Variants in IL18RAP observed in about 807,000 individuals in gnomAD.
IL18RAP encodes the protein interleukin-18 receptor accessory protein.
A neutral mutation model predicts 58.1 loss-of-function variants in IL18RAP; 37 were observed. The ratio of observed to expected loss-of-function variants is 0.64; its 90% CI spans 0.49 to 0.84. The LOEUF is 0.84. IL18RAP is among the 40% of genes least tolerant of loss of function. IL18RAP has a pLI of 0.00. For synonymous variants in IL18RAP, 268 were observed against 257.5 expected, an observed-to-expected ratio of 1.04 and a Z score of -0.39; for missense variants, 667 against 704.8, an observed-to-expected ratio of 0.95 and a Z score of 0.61.
chr2:102,426,837 A>G (rs982140622), intron 3 of IL18RAP, among the ~76,000 whole-genome samples: 2 of 65,748 alleles, frequency 3.0e-5, no homozygotes, highest in South Asian at 3.1e-4. Context: ...GCTGTGAAAT[A>G]TGCCTGAAAA....
intron 7 of IL18RAP, among the ~76,000 whole-genome samples, chr2:102,446,345 G>A (rs1310641012): frequency 6.6e-6 from 1 of 151,964 alleles, no homozygotes; most frequent in African/African-American, 2.4e-5. Flanking sequence ...TTGGTTACAT[G>A]GATAAGTTCT....
intron 3 of IL18RAP, chr2:102,434,391 T>C (rs1682594256): frequency 6.9e-6 from 1 of 145,880 alleles, no homozygotes; most frequent in African/African-American, 2.5e-5. Context: ...ATTTTATATT[T>C]ATTTCTGTTA....
intron 3 of IL18RAP, among the ~76,000 whole-genome samples, chr2:102,428,669 T>C (rs1682130169): frequency 6.6e-6 from 1 of 151,992 alleles, no homozygotes; most frequent in Admixed American, 6.5e-5. Context: ...GCAATTTTAC[T>C]TGTTTTTCTA....
upstream of IL18RAP, among the ~76,000 whole-genome samples, chr2:102,421,674 G>T (rs1010102994): frequency 1.3e-5 from 2 of 152,144 alleles, no homozygotes; most frequent in South Asian, 2.1e-4. Flanking sequence ...TCTGCAAGGC[G>T]CATTGCACAG....
At position 102,452,519 on chromosome 2, in the gene IL18RAP, T is replaced by G. The variant is rs555714567; in HGVS notation, c.*338T>G. The G allele has an allele frequency of 1.3e-5, 3 of 230,556 alleles. No individual in the cohort carries two copies. Among genetic ancestry groups the G allele is most frequent in the East Asian group, 1.8e-4 (2 of 11,032 alleles). The allele number at this position is 230,556 out of a possible 1,614,324, so 14.3% of individuals were successfully genotyped here. A position where few individuals can be genotyped will look rare whatever the true frequency, so the allele number is the denominator to read the frequency against. On this transcript the variant is annotated 3_prime_UTR_variant, in exon 10 of 10. Coordinates refer to ENST00000687160, the MANE Select transcript of IL18RAP (RefSeq NM_001393487.1). The stretch of plus-strand genomic sequence containing the variant: ...TCATGTCTACCATGTATTGTACATA[T>G]GACTTTATGTATACTTGCAATCAAA...
At chr2:102,423,664 C>G (rs924088939) in intron 1 of IL18RAP, 147 bp from the exon 2 acceptor site, 12 of 695,348 alleles carry the variant, frequency 1.7e-5, no homozygotes, top group African/African-American at 1.6e-4. Context: ...AGAACAGGCA[C>G]TTCCTTTCCC....
At chr2:102,429,446 T>C (rs1682192082) in intron 3 of IL18RAP, among the ~76,000 whole-genome samples, 1 of 151,994 alleles carries the variant, frequency 6.6e-6, no homozygotes, top group Non-Finnish European at 1.5e-5. Flanking sequence ...TTTTATCTAT[T>C]TGAGTGTTCT....
At chr2:102,446,508 C>T (rs925073972) in intron 7 of IL18RAP, among the ~76,000 whole-genome samples, 1 of 152,080 alleles carries the variant, frequency 6.6e-6, no homozygotes, top group Non-Finnish European at 1.5e-5. Flanking sequence ...TATGCCTTTG[C>T]GTCCTCATAG....
chr2:102,429,145 T>C (rs776068981), intron 3 of IL18RAP, among the ~76,000 whole-genome samples: 14 of 151,962 alleles, frequency 9.2e-5, no homozygotes, highest in Non-Finnish European at 1.5e-4. Context: ...TTTCAGATAC[T>C]GGCCTACAAT....
chr2:102,452,203 C>T lies in IL18RAP; in HGVS notation c.*22C>T. On this transcript the variant is annotated 3_prime_UTR_variant, in exon 10 of 10. Transcript: ENST00000687160. ...GTGAAATGAGCCCTGGAGCCCCCTC[C>T]AGTCCAGTCCCTGGGATAGAGATGT... 2 of 1,564,812 alleles carry T rather than the reference C, an allele frequency of 1.3e-6. No homozygotes were observed. The highest frequency in any genetic ancestry group is 8.6e-7 in the Non-Finnish European group (1 of 1,157,558).
intron 4 of IL18RAP, chr2:102,438,706 ATCAT>A (rs1682909003): frequency 6.6e-6 from 1 of 152,170 alleles, no homozygotes; most frequent in South Asian, 2.1e-4. Context: ...TCCTCATTTA[ATCAT>A]TCATTCTCAT....
chr2:102,443,697 G>C (rs1444835383), intron 6 of IL18RAP, among the ~76,000 whole-genome samples: 3 of 152,072 alleles, frequency 2.0e-5, no homozygotes, highest in African/African-American at 7.2e-5. Flanking sequence ...CAGATGTGTG[G>C]GGTAATGAAC....
At chr2:102,422,022 T>C (rs1437811826), upstream of IL18RAP, among the ~76,000 whole-genome samples, 1 of 151,650 alleles carries the variant, frequency 6.6e-6, no homozygotes, top group African/African-American at 2.4e-5. Flanking sequence ...TCTCCAGAAA[T>C]GAGCAAACAC....
Position 102,423,885 on chromosome 2 carries a change from C to T in IL18RAP, c.145C>T (p.Pro49Ser), listed in dbSNP as rs970437397. ...GGAATTTGTCTTATTTTGTGATTTA[C>T]CAGAGCCACAGAAATCACATTTCTG... ...EEEFVLFCDL[P>S]EPQKSHFCHR... The change falls in exon 2 of 10, where the codon CCA (proline) becomes TCA (serine). Residue 49 changes from proline (P) to serine (S), a missense_variant. Transcript: ENST00000687160. 7 of 1,613,710 alleles carry T rather than the reference C, an allele frequency of 4.3e-6. 1 individual carries two copies. The highest frequency in any genetic ancestry group is 2.7e-5 in the African/African-American group (2 of 74,886).
intron 7 of IL18RAP, among the ~76,000 whole-genome samples, chr2:102,446,417 C>G (rs1027088187): frequency 2.0e-5 from 3 of 152,146 alleles, no homozygotes; most frequent in Admixed American, 1.3e-4. Flanking sequence ...GCAGTGTACA[C>G]TACACCCGTT....
At chr2:102,450,406 C>T in intron 8 of IL18RAP, among the ~76,000 whole-genome samples, 1 of 152,080 alleles carries the variant, frequency 6.6e-6, no homozygotes, top group East Asian at 1.9e-4. Context: ...GCATATGGGC[C>T]ATCAACTCTC....
chr2:102,436,134 T>C (rs1257059843), intron 3 of IL18RAP, among the ~76,000 whole-genome samples: 1 of 152,174 alleles, frequency 6.6e-6, no homozygotes, highest in Non-Finnish European at 1.5e-5. Context: ...GTCTTAATGA[T>C]ACATACTAAG....
At chr2:102,448,960 C>CAAAA (rs10566180) in intron 8 of IL18RAP, among the ~76,000 whole-genome samples, 8 of 67,232 alleles carry the variant, frequency 1.2e-4, no homozygotes, top group Admixed American at 1.9e-4. Context: ...TACCCTATCT[C>CAAAA]AAAAAAAAAA....
chr2:102,423,304 T>G lies in IL18RAP; in HGVS notation c.27T>G (p.Leu9=). Residue 9 remains leucine, a synonymous_variant, in exon 1 of 10, where the codon CTT becomes CTG. Transcript: ENST00000687160. MLCLGWIF[L]WLVAGERIKG... ...TGCTCTGTTTGGGCTGGATATTTCT[T>G]TGGCTTGTTGCAGGAGAGCGAATTA... The G allele has an allele frequency of 6.2e-7, 1 of 1,614,092 alleles. No individual in the cohort carries two copies. The highest frequency in any genetic ancestry group is 8.5e-7 in the Non-Finnish European group (1 of 1,179,984).
Sources: allele counts gnomAD v4.1 joint callset (sites outside exome capture counted in the v4.1 genomes callset), GRCh38; gene constraint gnomAD v4.1.1; transcripts MANE v1.5; gene names NCBI Gene and HGNC (gene_info 2026-07-23, HGNC 2026-07-21).